NLGN1: variants seen among roughly 807,000 people sequenced by gnomAD.
NLGN1 encodes the protein neuroligin-1.
Under a neutral mutation model 65.5 loss-of-function variants are expected in NLGN1, and 12 were observed. That is an observed-to-expected ratio of 0.18 (90% CI 0.12 to 0.30). NLGN1 has a LOEUF of 0.30. Ranked by LOEUF, NLGN1 falls within the 10% of genes least tolerant of loss-of-function variation. NLGN1 has a pLI of 1.00. For synonymous variants in NLGN1, 350 were observed against 359.5 expected, an observed-to-expected ratio of 0.97 and a Z score of 0.30; for missense variants, 750 against 1,007.1, an observed-to-expected ratio of 0.74 and a Z score of 3.46.
intron 4 of NLGN1, among the ~76,000 whole-genome samples, chr3:173,900,132 T>G (rs1199144026): frequency 6.6e-6 from 1 of 152,084 alleles, no homozygotes; most frequent in African/African-American, 2.4e-5. Flanking sequence ...AAGATAATGC[T>G]CAAAACAGAG....
At chr3:174,268,108 T>A (rs1748628597) in intron 4 of NLGN1, among the ~76,000 whole-genome samples, 1 of 152,188 alleles carries the variant, frequency 6.6e-6, no homozygotes, top group Admixed American at 6.5e-5. Context: ...GTTTCTTCAA[T>A]GTCATGCTTC....
intron 2 of NLGN1, among the ~76,000 whole-genome samples, chr3:173,594,667 A>C (rs1243572783): frequency 6.6e-6 from 1 of 152,240 alleles, no homozygotes; most frequent in Non-Finnish European, 1.5e-5. Flanking sequence ...CTCTGATCCC[A>C]CATTTTGCTT....
intron 4 of NLGN1, among the ~76,000 whole-genome samples, chr3:173,838,997 T>C (rs1724218137): frequency 6.6e-6 from 1 of 152,180 alleles, no homozygotes; most frequent in African/African-American, 2.4e-5. Context: ...AAAGCCATTT[T>C]TCGTGTCTTA....
rs1721028422 is a variant in NLGN1, at chr3:173,449,342, G to C, written c.-321+14264G>C. Among the ~76,000 whole-genome samples the C allele has an allele frequency of 1.3e-5, 2 of 152,206 alleles. 1 individual carries two copies. The highest frequency in any genetic ancestry group is 4.2e-4 in the South Asian group (2 of 4,814). ...TGTACGCAGTAGTCATTCAGGAGCAGGTTGTTCAGTTTCCATGTAGTTGAG... is the reference window on the plus strand; with the variant it reads ...TGTACGCAGTAGTCATTCAGGAGCACGTTGTTCAGTTTCCATGTAGTTGAG... On this transcript the variant is annotated intron_variant, in intron 2 of 6. Coordinates refer to ENST00000457714, the Ensembl canonical transcript of NLGN1.
At chr3:174,058,491 C>G (rs972015574) in intron 4 of NLGN1, among the ~76,000 whole-genome samples, 1 of 152,030 alleles carries the variant, frequency 6.6e-6, no homozygotes, top group African/African-American at 2.4e-5. Context: ...CATCTTGCTT[C>G]TTTCTTACCC....
At chr3:174,150,026 G>T (rs1308389037) in intron 4 of NLGN1, among the ~76,000 whole-genome samples, 1 of 152,038 alleles carries the variant, frequency 6.6e-6, no homozygotes, top group Admixed American at 6.6e-5. Context: ...TTCCCTGAAA[G>T]AATCTTAAAA....
intron 3 of NLGN1, among the ~76,000 whole-genome samples, chr3:173,784,523 C>G (rs549870007): frequency 1.3e-5 from 2 of 152,162 alleles, no homozygotes; most frequent in South Asian, 4.2e-4. Flanking sequence ...GATGCACACA[C>G]ACAGACCGTA....
At chr3:174,184,129 C>A (rs531722574) in intron 4 of NLGN1, among the ~76,000 whole-genome samples, 187 of 151,640 alleles carry the variant, frequency 1.2e-3, no homozygotes, top group African/African-American at 4.4e-3. Context: ...TAAAGAAATA[C>A]AAAAGTCAAT....
At chr3:173,656,308 A>G (rs955732015) in intron 3 of NLGN1, among the ~76,000 whole-genome samples, 1 of 152,154 alleles carries the variant, frequency 6.6e-6, no homozygotes, top group African/African-American at 2.4e-5. Context: ...GATTAAAAGT[A>G]TTCTAAGTTA....
chr3:173,774,147 A>G (rs560965707), intron 3 of NLGN1, among the ~76,000 whole-genome samples: 1 of 152,320 alleles, frequency 6.6e-6, no homozygotes, highest in East Asian at 1.9e-4. Context: ...TTTAAGCAGA[A>G]ATGCTTATGA....
intron 3 of NLGN1, among the ~76,000 whole-genome samples, chr3:173,658,878 A>T (rs1302417542): frequency 6.6e-6 from 1 of 152,036 alleles, no homozygotes; most frequent in Admixed American, 6.6e-5. Flanking sequence ...TGTATGGTTT[A>T]TACACATGCA....
chr3:173,572,343 C>T (rs985862757), intron 2 of NLGN1, among the ~76,000 whole-genome samples: 6 of 152,188 alleles, frequency 3.9e-5, no homozygotes, highest in Admixed American at 3.9e-4. Flanking sequence ...AAAAATTAAG[C>T]AGATAAATGA....
intron 4 of NLGN1, among the ~76,000 whole-genome samples, chr3:174,212,102 C>T (rs1043625759): frequency 1.3e-5 from 2 of 152,180 alleles, no homozygotes; most frequent in African/African-American, 2.4e-5. Context: ...GGCTGCAGGT[C>T]CCTAGCCCTG....
chr3:173,450,821 A>G (rs151318460), intron 2 of NLGN1, among the ~76,000 whole-genome samples: 1 of 152,286 alleles, frequency 6.6e-6, no homozygotes, highest in East Asian at 1.9e-4. Flanking sequence ...TTCGTCTTAC[A>G]TAGCTGATAC....
At chr3:174,175,231 G>T (rs114348552) in intron 4 of NLGN1, among the ~76,000 whole-genome samples, 2,992 of 151,800 alleles carry the variant, frequency 0.02, 70 homozygotes, top group Admixed American at 0.077. Context: ...TGATGAATGC[G>T]GGGGAGTCTC....
chr3:174,044,343 T>C (rs1024149430), intron 4 of NLGN1, among the ~76,000 whole-genome samples: 11 of 152,094 alleles, frequency 7.2e-5, no homozygotes, highest in African/African-American at 2.7e-4. Flanking sequence ...CCCCAGAAAA[T>C]TGGTTTTTCT....
intron 4 of NLGN1, among the ~76,000 whole-genome samples, chr3:174,073,619 C>A (rs1031129256): frequency 5.3e-5 from 8 of 152,104 alleles, no homozygotes; most frequent in African/African-American, 1.9e-4. Flanking sequence ...TTTGGAAATT[C>A]TAATGAAACT....
chr3:173,836,146 C>T (rs751956407), intron 4 of NLGN1, among the ~76,000 whole-genome samples: 9 of 151,920 alleles, frequency 5.9e-5, no homozygotes, highest in Non-Finnish European at 8.8e-5. Context: ...AAAACAATAC[C>T]GTCATGACTA....
At chr3:173,661,151 A>G (rs576423337) in intron 3 of NLGN1, among the ~76,000 whole-genome samples, 181 of 152,170 alleles carry the variant, frequency 1.2e-3, no homozygotes, top group Non-Finnish European at 1.5e-3. Flanking sequence ...AAATATGTAG[A>G]TGGATAGGAT....
Sources: allele counts gnomAD v4.1 joint callset (sites outside exome capture counted in the v4.1 genomes callset), GRCh38; gene constraint gnomAD v4.1.1; transcripts MANE v1.5; gene names NCBI Gene and HGNC (gene_info 2026-07-23, HGNC 2026-07-21).